Variants in FAT3 observed in about 807,000 individuals in gnomAD.
The protein encoded by FAT3 is FAT atypical cadherin 3.
FAT3 carries 95 observed loss-of-function variants against 310.2 expected under a neutral mutation model. The ratio of observed to expected loss-of-function variants is 0.31; its 90% CI spans 0.26 to 0.36. The LOEUF is 0.36. Ranked by LOEUF, FAT3 falls within the 10% of genes least tolerant of loss-of-function variation. FAT3 has a pLI of 1.00. For synonymous variants in FAT3, 2,314 were observed against 2,192.9 expected (o/e 1.06, Z -1.54); for missense variants, 5,408 against 5,715.6 (o/e 0.95, Z 1.74).
chr11:92,283,800 T>C (rs1221602267), intron 1 of FAT3, among the ~76,000 whole-genome samples: 3 of 152,020 alleles, frequency 2.0e-5, no homozygotes, highest in Admixed American at 6.6e-5. Context: ...TATTTTACAG[T>C]TTATTGTGTT....
chr11:92,782,551 G>C (rs1269477643), intron 7 of FAT3, among the ~76,000 whole-genome samples: 1 of 152,078 alleles, frequency 6.6e-6, no homozygotes, highest in Non-Finnish European at 1.5e-5. Context: ...CAAAGACCCT[G>C]TCTCAAAAAG....
At chr11:92,291,640 G>T (rs1458269694) in intron 1 of FAT3, among the ~76,000 whole-genome samples, 1 of 151,684 alleles carries the variant, frequency 6.6e-6, no homozygotes, top group Non-Finnish European at 1.5e-5. Context: ...AGTTATTTCT[G>T]CTTTCCTAGG....
intron 3 of FAT3, among the ~76,000 whole-genome samples, chr11:92,605,723 T>TTG (rs1565451406): frequency 1.4e-5 from 2 of 147,966 alleles, no homozygotes; most frequent in Admixed American, 6.7e-5. Flanking sequence ...AGCTATGTTT[T>TTG]TTTTTTTTTT....
intron 1 of FAT3, among the ~76,000 whole-genome samples, chr11:92,303,232 A>G (rs1458966362): frequency 6.6e-6 from 1 of 152,090 alleles, no homozygotes; most frequent in Non-Finnish European, 1.5e-5. Flanking sequence ...CCATTTTCCC[A>G]AGGAATTTAT....
chr11:92,859,060 A>G, intron 20 of FAT3, 105 bp from the exon 21 acceptor site: 9 of 1,075,210 alleles, frequency 8.4e-6, no homozygotes, highest in Non-Finnish European at 1.2e-5. Flanking sequence ...CTTCTCATGC[A>G]TGGTCTTTAA....
At chr11:92,393,729 G>T (rs1259266262) in intron 2 of FAT3, among the ~76,000 whole-genome samples, 1 of 152,154 alleles carries the variant, frequency 6.6e-6, no homozygotes, top group African/African-American at 2.4e-5. Flanking sequence ...ATTTTTCCAA[G>T]ACCTAATCTA....
At chr11:92,472,596 A>G (rs1951936952) in intron 2 of FAT3, among the ~76,000 whole-genome samples, 1 of 152,180 alleles carries the variant, frequency 6.6e-6, no homozygotes, top group Non-Finnish European at 1.5e-5. Flanking sequence ...AAGTCGACAC[A>G]TGTTTTTGAC....
Position 92,844,315 on chromosome 11 carries a change from A to T in FAT3, c.10948A>T (p.Thr3650Ser). The T allele has an allele frequency of 6.2e-7, 1 of 1,613,934 alleles. No individual in the cohort carries two copies. The highest frequency in any genetic ancestry group is 8.5e-7 in the Non-Finnish European group (1 of 1,179,898). Reference protein sequence around the residue: ...LVHEMLQNTVTIRFENVSPED... With the variant: ...LVHEMLQNTVSIRFENVSPED... ...GCATGAGATGCTGCAGAACACTGTC[A>T]CCATCCGCTTTGAAAATGTGTCCCC... Residue 3650 changes from threonine (T) to serine (S), a missense_variant, in exon 19 of 28, where the codon ACC (threonine) becomes TCC (serine). Coordinates refer to ENST00000525166, the MANE Select transcript of FAT3 (RefSeq NM_001367949.2).
chr11:92,228,570 G>C (rs1373386379), intron 1 of FAT3, among the ~76,000 whole-genome samples: 4 of 152,196 alleles, frequency 2.6e-5, no homozygotes, highest in Non-Finnish European at 4.4e-5. Context: ...AGCTAATCTG[G>C]CTGATGAATT....
At chr11:92,852,039 G>T (rs1293448236) in intron 19 of FAT3, among the ~76,000 whole-genome samples, 2 of 152,136 alleles carry the variant, frequency 1.3e-5, no homozygotes, top group African/African-American at 4.8e-5. Context: ...CTTCTATTTA[G>T]ATAAAGATTG....
chr11:92,352,014 G>A (rs1948580854), intron 1 of FAT3, 82 bp from the exon 2 acceptor site: 2 of 896,940 alleles, frequency 2.2e-6, no homozygotes, highest in Non-Finnish European at 1.4e-6. Context: ...AAAAAGCATG[G>A]CTTCCTAATA....
At chr11:92,670,876 C>G (rs1430942198) in intron 3 of FAT3, among the ~76,000 whole-genome samples, 1 of 152,094 alleles carries the variant, frequency 6.6e-6, no homozygotes, top group African/African-American at 2.4e-5. Context: ...CCTCTGAATC[C>G]CAGGCTGACA....
chr11:92,227,070 C>G (rs1046816974), intron 1 of FAT3, among the ~76,000 whole-genome samples: 1 of 152,198 alleles, frequency 6.6e-6, no homozygotes, highest in Admixed American at 6.5e-5. Flanking sequence ...CTGGGCAGTG[C>G]CTGGGGAGGT....
At chr11:92,286,830 G>A (rs983558068) in intron 1 of FAT3, among the ~76,000 whole-genome samples, 1 of 152,156 alleles carries the variant, frequency 6.6e-6, no homozygotes, top group Non-Finnish European at 1.5e-5. Flanking sequence ...AGTATTCAAT[G>A]CATCAAACTG....
intron 12 of FAT3, among the ~76,000 whole-genome samples, 151 bp downstream of exon 12, chr11:92,806,666 T>C (rs1591760995): frequency 6.6e-6 from 1 of 152,148 alleles, no homozygotes; most frequent in Non-Finnish European, 1.5e-5. Flanking sequence ...TCTGAATGTT[T>C]GCTGAAATGA....
intron 4 of FAT3, among the ~76,000 whole-genome samples, chr11:92,746,291 TGAG>T (rs1300668947): frequency 6.6e-6 from 1 of 152,046 alleles, no homozygotes; most frequent in Non-Finnish European, 1.5e-5. Flanking sequence ...GGAAGGCAAA[TGAG>T]GAGCAAAGCC....
intron 1 of FAT3, among the ~76,000 whole-genome samples, chr11:92,226,414 C>T (rs1429001348): frequency 8.8e-6 from 1 of 113,748 alleles, no homozygotes; most frequent in Admixed American, 9.6e-5. Context: ...CGGGGGGTGG[C>T]GGGGGCGTGC....
chr11:92,669,600 C>G (rs1285540412), intron 3 of FAT3, among the ~76,000 whole-genome samples: 1 of 152,060 alleles, frequency 6.6e-6, no homozygotes, highest in Non-Finnish European at 1.5e-5. Flanking sequence ...TTGTTCTGAC[C>G]CCATATGAAC....
At chr11:92,783,380 A>AAT in intron 7 of FAT3, among the ~76,000 whole-genome samples, 1 of 150,358 alleles carries the variant, frequency 6.7e-6, no homozygotes, top group African/African-American at 2.4e-5. Flanking sequence ...AAAAAAAAAA[A>AAT]GGCAGTGGCC....
Sources: allele counts gnomAD v4.1 joint callset (sites outside exome capture counted in the v4.1 genomes callset), GRCh38; gene constraint gnomAD v4.1.1; transcripts MANE v1.5; gene names NCBI Gene and HGNC (gene_info 2026-07-23, HGNC 2026-07-21).